Variants in TMEM132B observed in about 807,000 individuals in gnomAD.
The protein encoded by TMEM132B is transmembrane protein 132B.
TMEM132B carries 18 observed loss-of-function variants against 90.8 expected under a neutral mutation model. The ratio of observed to expected loss-of-function variants is 0.20; its 90% CI spans 0.14 to 0.29. The LOEUF (loss-of-function observed/expected upper bound fraction) is 0.29. Ranked by LOEUF, TMEM132B falls within the 10% of genes least tolerant of loss-of-function variation. The probability of loss-of-function intolerance (pLI) is 1.00; values close to 1 mark genes in which losing one functional copy is unlikely to be tolerated. For missense variants in TMEM132B, 1,096 were observed against 1,326.8 expected, an observed-to-expected ratio of 0.83 and a Z score of 2.70; for synonymous variants, 504 against 523.3, an observed-to-expected ratio of 0.96 and a Z score of 0.50.
intron 1 of TMEM132B, among the ~76,000 whole-genome samples, chr12:125,196,775 G>A (rs527978758): frequency 6.6e-5 from 10 of 152,156 alleles, no homozygotes; most frequent in Non-Finnish European, 1.5e-4. Flanking sequence ...GTTGTGGAAT[G>A]TTTACTGGCA....
intron 1 of TMEM132B, among the ~76,000 whole-genome samples, chr12:125,231,718 G>C (rs1004169634): frequency 5.3e-5 from 8 of 151,618 alleles, no homozygotes; most frequent in Admixed American, 3.9e-4. Flanking sequence ...GGATTTCACA[G>C]AACAGAGTTT....
chr12:125,187,689 G>C (rs1957768071), intron 1 of TMEM132B, among the ~76,000 whole-genome samples: 2 of 152,336 alleles, frequency 1.3e-5, no homozygotes, highest in Admixed American at 6.5e-5. Context: ...GTCTTCGCTG[G>C]AGTTTGGAAA....
intron 4 of TMEM132B, among the ~76,000 whole-genome samples, chr12:125,542,806 A>G (rs1261845486): frequency 1.3e-5 from 2 of 152,180 alleles, no homozygotes. Context: ...TGGGTGTTCA[A>G]ATATCTCTTC....
intron 4 of TMEM132B, among the ~76,000 whole-genome samples, chr12:125,582,444 G>A (rs1252485830): frequency 6.6e-6 from 1 of 152,092 alleles, no homozygotes; most frequent in African/African-American, 2.4e-5. Flanking sequence ...CAATACTCAA[G>A]TAATGATCTC....
chr12:125,346,187 A>G (rs907466359), intron 1 of TMEM132B, among the ~76,000 whole-genome samples: 1 of 152,248 alleles, frequency 6.6e-6, no homozygotes, highest in African/African-American at 2.4e-5. Context: ...GCTACAATGA[A>G]GAAGAGAAGG....
intron 4 of TMEM132B, among the ~76,000 whole-genome samples, chr12:125,553,287 C>T (rs1471038842): frequency 6.6e-6 from 1 of 152,186 alleles, no homozygotes. Flanking sequence ...AAATGAGCAC[C>T]TGGTAGACGC....
chr12:125,613,716 A>G (rs1885919135), intron 5 of TMEM132B, among the ~76,000 whole-genome samples: 1 of 152,044 alleles, frequency 6.6e-6, no homozygotes, highest in Non-Finnish European at 1.5e-5. Context: ...TTTGTTATAG[A>G]TATTACATGT....
chr12:125,561,264 A>G (rs1396882527), intron 4 of TMEM132B, among the ~76,000 whole-genome samples: 1 of 152,080 alleles, frequency 6.6e-6, no homozygotes, highest in Non-Finnish European at 1.5e-5. Flanking sequence ...CAGCAAACTA[A>G]CACAAGAACA....
At chr12:125,627,572 C>T (rs1886262845) in intron 5 of TMEM132B, among the ~76,000 whole-genome samples, 1 of 151,776 alleles carries the variant, frequency 6.6e-6, no homozygotes, top group Non-Finnish European at 1.5e-5. Flanking sequence ...TTATAGGGTA[C>T]ATGAGATGTT....
In TMEM132B at chr12:125,658,698, G is replaced by A. The variant is rs527656161; in HGVS notation, c.*3988G>A. 6.6e-6 allele frequency: 1 copy of A among 152,274 alleles called. No homozygotes were observed. The highest frequency in any genetic ancestry group is 1.9e-4 in the East Asian group (1 of 5,184). The allele number at this position is 152,274 out of a possible 1,614,324, so 9.4% of individuals were successfully genotyped here. ...AATATAGGCAATATAATGAAACACCGAGTTTTTTAAAGTGAAAGCATGCAA... is the reference window on the plus strand; with the variant it reads ...AATATAGGCAATATAATGAAACACCAAGTTTTTTAAAGTGAAAGCATGCAA... On this transcript the variant is annotated 3_prime_UTR_variant, in exon 9 of 9. Coordinates refer to ENST00000682704, the MANE Select transcript of TMEM132B (RefSeq NM_001366854.1).
chr12:125,345,532 T>C (rs899754245), intron 1 of TMEM132B, among the ~76,000 whole-genome samples: 14 of 152,184 alleles, frequency 9.2e-5, no homozygotes, highest in Admixed American at 7.2e-4. Flanking sequence ...TGTGAGTTGC[T>C]TCATTCTAGG....
rs754728717 is a variant in TMEM132B, at chr12:125,459,808, G to A, written c.1106+44131G>A. ...TCCCATGTGTTATGGGAGGGACCTG[G>A]TGGGAGATAATTGAATCATGGGAGC... On this transcript the variant is annotated intron_variant, in intron 3 of 8. Coordinates refer to ENST00000682704, the MANE Select transcript of TMEM132B (RefSeq NM_001366854.1). This position sits in a 1 kb window ranked among gnomAD's most constrained non-coding sequence, Gnocchi z 4.1. 6.6e-6 allele frequency among the ~76,000 whole-genome samples: 1 copy of A among 152,176 alleles called. No homozygotes were observed. The highest frequency in any genetic ancestry group is 1.5e-5 in the Non-Finnish European group (1 of 68,040).
intron 1 of TMEM132B, among the ~76,000 whole-genome samples, chr12:125,232,747 G>A (rs946911666): frequency 6.6e-6 from 1 of 152,198 alleles, no homozygotes; most frequent in African/African-American, 2.4e-5. Flanking sequence ...AGCTTGACTT[G>A]TTTGGGCAAT....
intron 3 of TMEM132B, among the ~76,000 whole-genome samples, chr12:125,515,187 TTC>T (rs1218340580): frequency 2.8e-5 from 4 of 144,696 alleles, no homozygotes; most frequent in Admixed American, 6.7e-5. Flanking sequence ...CACACACGCA[TTC>T]TCTCTCATGC....
chr12:125,288,128 G>C (rs59457464), intron 1 of TMEM132B, among the ~76,000 whole-genome samples: 151,676 of 151,676 alleles, frequency 1, 75,838 homozygotes, highest in Non-Finnish European at 1. Flanking sequence ...CCAGCCTTGC[G>C]CTCCCAAAGT....
chr12:125,609,842 A>AAAAAAAAAG (rs1885783500), intron 5 of TMEM132B, among the ~76,000 whole-genome samples: 1 of 146,052 alleles, frequency 6.8e-6, no homozygotes, highest in Non-Finnish European at 1.5e-5. Flanking sequence ...AAAAAAAAAA[A>AAAAAAAAAG]AAAGAATATT....
intron 4 of TMEM132B, among the ~76,000 whole-genome samples, chr12:125,552,852 G>A (rs992927342): frequency 6.6e-6 from 1 of 152,214 alleles, no homozygotes; most frequent in East Asian, 1.9e-4. Context: ...TAACAGACAC[G>A]TCCCTGCACA....
At chr12:125,220,466 G>A (rs1410500217) in intron 1 of TMEM132B, among the ~76,000 whole-genome samples, 1 of 152,246 alleles carries the variant, frequency 6.6e-6, no homozygotes, top group African/African-American at 2.4e-5. Flanking sequence ...GCTTAAACAA[G>A]TGCAGATTAA....
intron 3 of TMEM132B, among the ~76,000 whole-genome samples, chr12:125,472,653 A>C (rs1477501524): frequency 2.0e-5 from 3 of 152,254 alleles, no homozygotes; most frequent in African/African-American, 7.2e-5. Context: ...TTAGATAATG[A>C]GGGCCCCACC....
Sources: gnomAD v4.1 joint callset for allele counts (sites outside exome capture counted in the v4.1 genomes callset) on GRCh38, gnomAD v4.1.1 for gene constraint, Gnocchi (gnomAD v3.1) non-coding constraint, MANE v1.5 for transcripts, NCBI Gene and HGNC (gene_info 2026-07-23, HGNC 2026-07-21) for gene names.